Variants in SOS2 observed in about 807,000 individuals in gnomAD.
The protein encoded by SOS2 is SOS Ras/Rho guanine nucleotide exchange factor 2.
SOS2 carries 65 observed loss-of-function variants against 148.2 expected under a neutral mutation model. The ratio of observed to expected loss-of-function variants is 0.44; its 90% CI spans 0.36 to 0.54. The LOEUF (loss-of-function observed/expected upper bound fraction) is 0.54. Among genes scored for constraint, SOS2 ranks in the 20% least tolerant of loss-of-function variants. SOS2 has a pLI of 0.00. For missense variants in SOS2, 1,341 were observed against 1,590.2 expected (o/e 0.84, Z 2.67); for synonymous variants, 539 against 537.1 (o/e 1.00, Z -0.05).
chr14:50,208,184 A>C (rs8012305), intron 1 of SOS2, among the ~76,000 whole-genome samples: 134,501 of 152,074 alleles, frequency 0.88, 59,580 homozygotes, highest in East Asian at 0.91. Context: ...GTAGTCCCAG[A>C]TACTTGGGAG....
chr14:50,146,173 T>C (rs936282033), intron 14 of SOS2, among the ~76,000 whole-genome samples: 2 of 149,220 alleles, frequency 1.3e-5, no homozygotes, highest in African/African-American at 4.9e-5. Flanking sequence ...AAAAAAAGTC[T>C]GATAATTCCA....
chr14:50,157,019 A>G lies in SOS2; in HGVS notation c.2037T>C (p.Tyr679=), dbSNP rs770201536. 1.1e-5 allele frequency: 18 copies of G among 1,605,130 alleles called. No homozygotes were observed. In the South Asian group the frequency reaches 1.6e-4, roughly 14 times the overall value. ...SADLKRFRKE[Y]VQPVQLRILN... is the part of the protein sequence containing the mutation. ...CAAACCTAAGTTGTACTGGTTGGAC[A>G]TATTCCTTGCGAAATCTTTTAAGGT... The change falls in exon 12 of 23, where the codon TAT becomes TAC. Residue 679 remains tyrosine, a synonymous_variant. Transcript: ENST00000216373.
intron 8 of SOS2, among the ~76,000 whole-genome samples, chr14:50,169,883 A>G (rs1885304409): frequency 1.3e-5 from 2 of 152,088 alleles, no homozygotes; most frequent in African/African-American, 4.8e-5. Context: ...AAGGTTGATC[A>G]CAAACTACTG....
chr14:50,139,682 C>T (rs1266395553), intron 17 of SOS2, among the ~76,000 whole-genome samples: 2 of 152,152 alleles, frequency 1.3e-5, no homozygotes, highest in Non-Finnish European at 2.9e-5. Flanking sequence ...ATAACAGTTA[C>T]CATTTCATGA....
chr14:50,148,651 T>C (rs1217789641), intron 14 of SOS2, among the ~76,000 whole-genome samples: 1 of 152,316 alleles, frequency 6.6e-6, no homozygotes, highest in East Asian at 1.9e-4. Context: ...ACCTGGATTC[T>C]AAATTACTTA....
chr14:50,135,296 TA>T (rs1340503093), intron 18 of SOS2, among the ~76,000 whole-genome samples: 2 of 151,408 alleles, frequency 1.3e-5, no homozygotes, highest in African/African-American at 4.8e-5. Context: ...CCTCTCCTCT[TA>T]AAAAAAGCCT....
At chr14:50,159,402 G>A in intron 10 of SOS2, 29 bp downstream of exon 10, 1 of 1,492,964 alleles carries the variant, frequency 6.7e-7, no homozygotes, top group Non-Finnish European at 9.1e-7. Flanking sequence ...CCAGGCCCTA[G>A]GTCAGCAGTT....
intron 8 of SOS2, among the ~76,000 whole-genome samples, chr14:50,172,432 T>TTTTTTTTTTTTTTTTTTA (rs1885395989): frequency 7.0e-6 from 1 of 143,282 alleles, no homozygotes. Flanking sequence ...TTTTTTTTTT[T>TTTTTTTTTTTTTTTTTTA]TCTGAGATGG....
chr14:50,118,210 C>A lies in SOS2; in HGVS notation c.*134G>T. 2.7e-6 allele frequency: 2 copies of A among 737,554 alleles called. No homozygotes were observed. Among genetic ancestry groups the A allele is most frequent in the East Asian group, 2.8e-5 (1 of 36,350 alleles). The allele number at this position is 737,554 out of a possible 1,614,324, so 45.7% of individuals were successfully genotyped here. A position where few individuals can be genotyped will look rare whatever the true frequency, so the allele number is the denominator to read the frequency against. On this transcript the variant is annotated 3_prime_UTR_variant, in exon 23 of 23. Transcript: ENST00000216373. ...TTTTTATTTTTCCAATTCTTAAAAG[C>A]TTATTTGATCAGTAGCATTTTTGTA... is the stretch of plus-strand genomic sequence containing the variant.
At chr14:50,223,390 T>C (rs1469467055) in intron 1 of SOS2, among the ~76,000 whole-genome samples, 1 of 151,834 alleles carries the variant, frequency 6.6e-6, no homozygotes, top group African/African-American at 2.4e-5. Flanking sequence ...TTTTAAAAAT[T>C]GGGGCTGGGC....
intron 1 of SOS2, among the ~76,000 whole-genome samples, chr14:50,216,693 C>T (rs906311492): frequency 2.0e-5 from 3 of 152,046 alleles, no homozygotes; most frequent in Admixed American, 2.0e-4. Context: ...TGAGATCGTG[C>T]TGCTGCACTC....
Position 50,153,184 on chromosome 14 carries a change from G to A in SOS2, c.2058-11C>T. ...AATACATTTAAGATCCTGATAAAATGGAAAGAAACACATTTTAGTGAAACA... is the reference window on the plus strand; with the variant it reads ...AATACATTTAAGATCCTGATAAAATAGAAAGAAACACATTTTAGTGAAACA... On this transcript the variant is annotated splice_polypyrimidine_tract_variant and intron_variant, in intron 12 of 22. Transcript: ENST00000216373. 6.8e-7 allele frequency: 1 copy of A among 1,476,324 alleles called. No individual in the cohort carries two copies. Among genetic ancestry groups the A allele is most frequent in the Non-Finnish European group, 9.4e-7 (1 of 1,063,338 alleles). The allele number at this position is 1,476,324 out of a possible 1,614,324, so 91.5% of individuals were successfully genotyped here.
At chr14:50,209,785 G>A (rs890386071) in intron 1 of SOS2, among the ~76,000 whole-genome samples, 126 of 151,862 alleles carry the variant, frequency 8.3e-4, no homozygotes, top group African/African-American at 3.0e-3. Flanking sequence ...AGCATTTACA[G>A]TAGAATTTAA....
chr14:50,138,218 G>A (rs1269982738), intron 18 of SOS2, among the ~76,000 whole-genome samples: 3 of 149,220 alleles, frequency 2.0e-5, no homozygotes, highest in Non-Finnish European at 4.5e-5. Flanking sequence ...GTGCAGTGGC[G>A]CTATCTCGGC....
Position 50,204,413 on chromosome 14 carries a change from TA to T in SOS2, c.88-5del, listed in dbSNP as rs753908329. 56 of 1,542,662 alleles carry T rather than the reference TA, an allele frequency of 3.6e-5. No individual in the cohort carries two copies. Among genetic ancestry groups the T allele is most frequent in the Middle Eastern group, 1.7e-4 (1 of 5,936 alleles). On this transcript the variant is annotated splice_region_variant and splice_polypyrimidine_tract_variant and intron_variant, in intron 1 of 22. Transcript: ENST00000216373. ...TGGGATGCACTTGTTCCTGAACCTT[TA>T]AAAAAAAGTTATCAGTTAAAGTAAT... is the stretch of plus-strand genomic sequence containing the variant.
intron 21 of SOS2, among the ~76,000 whole-genome samples, chr14:50,126,496 A>C (rs138931367): frequency 2.0e-5 from 3 of 152,286 alleles, no homozygotes; most frequent in African/African-American, 7.2e-5. Context: ...CTGTCGATTA[A>C]AAATAAAATT....
chr14:50,164,437 C>T (rs1885109082), intron 8 of SOS2, among the ~76,000 whole-genome samples: 1 of 151,074 alleles, frequency 6.6e-6, no homozygotes, highest in Non-Finnish European at 1.5e-5. Context: ...GAGACTCTGT[C>T]CCCCGCAAAA....
intron 1 of SOS2, among the ~76,000 whole-genome samples, chr14:50,218,327 AG>A (rs770765579): frequency 1.3e-5 from 2 of 151,618 alleles, no homozygotes; most frequent in Non-Finnish European, 2.9e-5. Flanking sequence ...GTTTGAGATC[AG>A]CCTGGGCAAC....
intron 6 of SOS2, among the ~76,000 whole-genome samples, chr14:50,181,605 T>C (rs913308618): frequency 2.0e-5 from 3 of 152,168 alleles, no homozygotes; most frequent in African/African-American, 7.2e-5. Context: ...ACATTATTTA[T>C]ACTTAAAAAT....
Sources: gnomAD v4.1 joint callset for allele counts (sites outside exome capture counted in the v4.1 genomes callset) on GRCh38, gnomAD v4.1.1 for gene constraint, MANE v1.5 for transcripts, NCBI Gene and HGNC (gene_info 2026-07-23, HGNC 2026-07-21) for gene names.